MRPL46: variants seen among roughly 807,000 people sequenced by gnomAD.
The protein encoded by MRPL46 is large ribosomal subunit protein mL46.
A neutral mutation model predicts 31.0 loss-of-function variants in MRPL46; 26 were observed. That is an observed-to-expected ratio of 0.84 (90% CI 0.61 to 1.16). The LOEUF (loss-of-function observed/expected upper bound fraction) is 1.16, where lower values mean the gene tolerates loss of function less well. Among genes scored for constraint, MRPL46 ranks in the 50% most tolerant of loss-of-function variants. The probability of loss-of-function intolerance (pLI) is 0.00; values close to 1 mark genes in which losing one functional copy is unlikely to be tolerated. For missense variants in MRPL46, 395 were observed against 340.0 expected (o/e 1.16, Z -1.27); for synonymous variants, 159 against 141.3 (o/e 1.13, Z -0.89).
chr15:88,465,778 G>T lies in MRPL46; in HGVS notation c.229-5C>A. ...CAGGCTTCTCTCTATCTCAATCTGG[G>T]AAAATTCAAAGGGCAAAAAACTACC... On this transcript the variant is annotated splice_polypyrimidine_tract_variant and splice_region_variant and intron_variant, in intron 1 of 3. Coordinates refer to ENST00000312475, the MANE Select transcript of MRPL46 (RefSeq NM_022163.4). 6.5e-7 allele frequency: 1 copy of T among 1,549,966 alleles called. No individual in the cohort carries two copies.
rs2055456670 is a variant in MRPL46, at chr15:88,459,570, A to C, written c.*43T>G. Reference sequence around the variant, plus strand: ...ATCACACAATGTCCTTGAGGCTCTAATCCCAGACTTGTCTGAGCACCGTCC... The same window carrying C: ...ATCACACAATGTCCTTGAGGCTCTACTCCCAGACTTGTCTGAGCACCGTCC... On this transcript the variant is annotated 3_prime_UTR_variant, in exon 4 of 4. Coordinates refer to ENST00000312475, the MANE Select transcript of MRPL46 (RefSeq NM_022163.4). 6.2e-7 allele frequency: 1 copy of C among 1,610,694 alleles called. No homozygotes were observed. The highest frequency in any genetic ancestry group is 1.3e-5 in the African/African-American group (1 of 74,780).
In MRPL46 at chr15:88,459,700, A is replaced by T; in HGVS notation, c.753T>A (p.His251Gln). The T allele has an allele frequency of 6.2e-7, 1 of 1,614,156 alleles. No homozygotes were observed. Among genetic ancestry groups the T allele is most frequent in the African/African-American group, 1.3e-5 (1 of 75,020 alleles). ...GCTCATCCTTAGTGACCCACACATG[A>T]TGGCCCTTATTCCCAGCCTGGGAAA... is the stretch of plus-strand genomic sequence containing the variant. ...GDFSQAGNKGHHVWVTKDELG... is the reference protein window; with the variant it reads ...GDFSQAGNKGQHVWVTKDELG... The change falls in exon 4 of 4, where the codon CAT becomes CAA. Residue 251 changes from histidine to glutamine, a missense_variant. Physicochemically the swap from His to Gln is conservative, Grantham distance 24. Transcript: ENST00000312475.
At chr15:88,462,788 T>C (rs913979536) in intron 3 of MRPL46, 1 of 152,258 alleles carries the variant, frequency 6.6e-6, no homozygotes, top group Non-Finnish European at 1.5e-5. Context: ...CAGTATATAC[T>C]CTTACATTGC....
chr15:88,460,044 C>T (rs1012673595), intron 3 of MRPL46, 181 bp from the exon 4 acceptor site: 71 of 714,490 alleles, frequency 9.9e-5, no homozygotes, highest in Middle Eastern at 9.8e-4. Flanking sequence ...CCAAATGCCT[C>T]CTGGCCCATG....
chr15:88,465,034 C>T, intron 2 of MRPL46, 158 bp from the exon 3 acceptor site: 1 of 667,584 alleles, frequency 1.5e-6, no homozygotes, highest in Non-Finnish European at 2.3e-6. Context: ...CTGACCTCTT[C>T]CAGGGAAGAG....
At chr15:88,462,942 A>G (rs140108567) in intron 3 of MRPL46, 2 of 152,352 alleles carry the variant, frequency 1.3e-5, no homozygotes, top group East Asian at 3.9e-4. Context: ...ACTTATTACA[A>G]TGGCAATGTT....
chr15:88,465,048 C>T (rs2055511271), intron 2 of MRPL46, 172 bp from the exon 3 acceptor site: 2 of 603,834 alleles, frequency 3.3e-6, no homozygotes, highest in African/African-American at 1.9e-5. Flanking sequence ...GGAAGAGTCT[C>T]ACAATCTTGA....
chr15:88,466,743 C>T (rs1358777209), intron 1 of MRPL46, among the ~76,000 whole-genome samples: 1 of 152,230 alleles, frequency 6.6e-6, no homozygotes. Flanking sequence ...TTGCCCCTCA[C>T]ACAGATAGCC....
At position 88,459,877 on chromosome 15, in the gene MRPL46, A is replaced by G; in HGVS notation, c.590-14T>C. 6.2e-7 allele frequency: 1 copy of G among 1,613,488 alleles called. No homozygotes were observed. The highest frequency in any genetic ancestry group is 8.5e-7 in the Non-Finnish European group (1 of 1,179,636). ...CCATGTTGTTTTCTGAAGAGGGAGG[A>G]AAGAAAAATCACAATTGGAAGGTAA... On this transcript the variant is annotated splice_polypyrimidine_tract_variant and intron_variant, in intron 3 of 3. Coordinates refer to ENST00000312475, the MANE Select transcript of MRPL46 (RefSeq NM_022163.4).
At chr15:88,467,084 G>A (rs1008900367) in intron 1 of MRPL46, 66 bp downstream of exon 1, 3 of 1,548,706 alleles carry the variant, frequency 1.9e-6, no homozygotes, top group South Asian at 1.2e-5. Flanking sequence ...AGTTCAGAGA[G>A]GTGAAATTAC....
intron 3 of MRPL46, 63 bp downstream of exon 3, chr15:88,464,639 TA>T: frequency 1.4e-6 from 1 of 724,884 alleles, no homozygotes; most frequent in Non-Finnish European, 2.2e-6. Context: ...CCAGTCAGCC[TA>T]AAAATCCTCT....
Position 88,459,825 on chromosome 15 carries a change from A to G in MRPL46, c.628T>C (p.Cys210Arg), listed in dbSNP as rs1231782325. 4 of 1,614,114 alleles carry G rather than the reference A, an allele frequency of 2.5e-6. No homozygotes were observed. In the African/African-American group the frequency reaches 5.3e-5, roughly 22 times the overall value. Residue 210 changes from cysteine to arginine, a missense_variant, in exon 4 of 4, where the codon TGT becomes CGT. By Grantham distance (180) the Cys-to-Arg change is radical. Coordinates refer to ENST00000312475, the MANE Select transcript of MRPL46 (RefSeq NM_022163.4). ...GGGAACTTGAATGTGTAGTGCCCAC[A>G]GGGTGCATTTCCTAGGAACTTGGCT... is the stretch of plus-strand genomic sequence containing the variant. Reference protein sequence around the residue: ...MEAKFLGNAPCGHYTFKFPQA... With the variant: ...MEAKFLGNAPRGHYTFKFPQA...
chr15:88,463,810 G>A lies in MRPL46; in HGVS notation c.589+893C>T, dbSNP rs927453149. The A allele has an allele frequency of 1.3e-5, 2 of 152,324 alleles. No homozygotes were observed. The highest frequency in any genetic ancestry group is 3.9e-4 in the East Asian group (2 of 5,192). 9.4% of individuals were successfully genotyped at this position (152,324 alleles called of 1,614,324 possible). A position where few individuals can be genotyped will look rare whatever the true frequency, so the allele number is the denominator to read the frequency against. ...ATTTTACATTAATGAACAGCAAGAC[G>A]GCAGACTGATGAGACTGGGATCAGG... is the stretch of plus-strand genomic sequence containing the variant. On this transcript the variant is annotated intron_variant, in intron 3 of 3. Coordinates refer to ENST00000312475, the MANE Select transcript of MRPL46 (RefSeq NM_022163.4). This position sits in a 1 kb window ranked among gnomAD's most constrained non-coding sequence, Gnocchi z 5.4.
Position 88,459,735 on chromosome 15 carries a change from T to C in MRPL46, c.718A>G (p.Thr240Ala), listed in dbSNP as rs761017773. Residue 240 changes from threonine (T) to alanine (A), a missense_variant, in exon 4 of 4, where the codon ACT (threonine) becomes GCT (alanine). Transcript: ENST00000312475. ...KVFFFKALLL[T>A]GDFSQAGNKG... ...TTCCCAGCCTGGGAAAAGTCTCCAG[T>C]TAATAGCAGTGCTTTGAAGAAGAAC... 3.7e-6 allele frequency: 6 copies of C among 1,614,064 alleles called. No homozygotes were observed. In the South Asian group the frequency reaches 6.6e-5, roughly 18 times the overall value.
chr15:88,462,456 C>G (rs1166909165), intron 3 of MRPL46: 3 of 152,188 alleles, frequency 2.0e-5, no homozygotes, highest in Non-Finnish European at 4.4e-5. Flanking sequence ...CCAATAAACA[C>G]ATGAAGATAC....
At position 88,460,088 on chromosome 15, in the gene MRPL46, C is replaced by CA; in HGVS notation, c.590-226dup. On this transcript the variant is annotated intron_variant, in intron 3 of 3. Coordinates refer to ENST00000312475, the MANE Select transcript of MRPL46 (RefSeq NM_022163.4). ...ATTCACCAGGCTCACTCCCATGTGC[C>CA]AAGCTACTGTTTTTAGACTGAAAGT... 3 of 562,282 alleles carry CA rather than the reference C, an allele frequency of 5.3e-6. No individual in the cohort carries two copies. The South Asian group carries it at 6.5e-5, about 12-fold the overall frequency. 34.8% of individuals were successfully genotyped at this position (562,282 alleles called of 1,614,324 possible). A position where few individuals can be genotyped will look rare whatever the true frequency, so the allele number is the denominator to read the frequency against.
intron 3 of MRPL46, chr15:88,462,905 A>G (rs1452246555): frequency 6.6e-6 from 1 of 152,244 alleles, no homozygotes; most frequent in Admixed American, 6.5e-5. Context: ...GTGTTTTAAT[A>G]TATTTGATAT....
At chr15:88,460,130 A>C in intron 3 of MRPL46, 1 of 454,694 alleles carries the variant, frequency 2.2e-6, no homozygotes, top group Non-Finnish European at 4.0e-6. Flanking sequence ...CACAGTTACA[A>C]TCACACCTGG....
intron 2 of MRPL46, chr15:88,465,135 C>T (rs2055511871): frequency 9.1e-6 from 4 of 437,812 alleles, no homozygotes; most frequent in Non-Finnish European, 1.6e-5. Flanking sequence ...AAAAAAGAAA[C>T]AATGATCATA....
Sources: allele counts gnomAD v4.1 joint callset (sites outside exome capture counted in the v4.1 genomes callset), GRCh38; gene constraint gnomAD v4.1.1; non-coding constraint Gnocchi (gnomAD v3.1); transcripts MANE v1.5; gene names NCBI Gene and HGNC (gene_info 2026-07-23, HGNC 2026-07-21).